The following SUPT3H variants were observed in gnomAD, a reference collection of about 807,000 sequenced individuals.
SUPT3H encodes the protein transcription initiation protein SPT3 homolog.
SUPT3H carries 44 observed loss-of-function variants against 44.3 expected under a neutral mutation model. The ratio of observed to expected loss-of-function variants is 0.99; its 90% CI spans 0.78 to 1.28. The LOEUF (loss-of-function observed/expected upper bound fraction) is 1.28, where lower values mean the gene tolerates loss of function less well. Among genes scored for constraint, SUPT3H ranks in the 50% most tolerant of loss-of-function variants. SUPT3H has a pLI of 0.00. For missense variants in SUPT3H, 380 were observed against 387.1 expected, an observed-to-expected ratio of 0.98 and a Z score of 0.15; for synonymous variants, 124 against 125.6, an observed-to-expected ratio of 0.99 and a Z score of 0.09.
At chr6:44,845,337 C>T (rs1038531306) in intron 10 of SUPT3H, among the ~76,000 whole-genome samples, 8 of 152,132 alleles carry the variant, frequency 5.3e-5, no homozygotes, top group Admixed American at 1.3e-4. Flanking sequence ...AAGTGATATA[C>T]CAATCACTAG....
intron 10 of SUPT3H, among the ~76,000 whole-genome samples, chr6:44,851,142 A>G (rs774877140): frequency 3.9e-5 from 6 of 152,250 alleles, no homozygotes; most frequent in Non-Finnish European, 8.8e-5. Context: ...ATCAGCCTTT[A>G]GCCCTCCTCA....
chr6:44,885,132 C>T, intron 10 of SUPT3H, among the ~76,000 whole-genome samples: 1 of 152,204 alleles, frequency 6.6e-6, no homozygotes, highest in East Asian at 1.9e-4. Context: ...CTGGGTGGAG[C>T]CCACCACAGC....
chr6:44,813,346 G>A lies in SUPT3H; in HGVS notation c.*53-3845C>T, dbSNP rs529012481. Among the ~76,000 whole-genome samples the A allele has an allele frequency of 3.9e-5, 6 of 152,096 alleles. No individual in the cohort carries two copies. In the East Asian group the frequency reaches 1.2e-3, roughly 29 times the overall value. ...GACTACTACAGGCACATGCCACCACGCCCAGTTAATTTTTATTTTTGTAGC... is the reference window on the plus strand; with the variant it reads ...GACTACTACAGGCACATGCCACCACACCCAGTTAATTTTTATTTTTGTAGC... On this transcript the variant is annotated intron_variant and NMD_transcript_variant, in intron 11 of 11. Coordinates refer to the SUPT3H transcript ENST00000475057.
intron 2 of SUPT3H, among the ~76,000 whole-genome samples, chr6:45,276,200 A>C (rs560467238): frequency 6.6e-6 from 1 of 152,260 alleles, no homozygotes; most frequent in South Asian, 2.1e-4. Context: ...TTTACTAAAA[A>C]CAGTGTTTGA....
At chr6:44,988,350 A>C (rs991073084) in intron 6 of SUPT3H, among the ~76,000 whole-genome samples, 1 of 151,782 alleles carries the variant, frequency 6.6e-6, no homozygotes, top group African/African-American at 2.4e-5. Context: ...TATATCTAAC[A>C]ATCTAACTAC....
chr6:44,986,360 G>C (rs1394842534), intron 6 of SUPT3H, among the ~76,000 whole-genome samples: 1 of 152,134 alleles, frequency 6.6e-6, no homozygotes, highest in African/African-American at 2.4e-5. Flanking sequence ...TGGGTAGACT[G>C]TGAAGAAAGG....
At chr6:45,367,708 A>G (rs1795383137) in intron 1 of SUPT3H, among the ~76,000 whole-genome samples, 1 of 152,172 alleles carries the variant, frequency 6.6e-6, no homozygotes, top group Non-Finnish European at 1.5e-5. Context: ...GATTTGACAG[A>G]CATGCCATTC....
At chr6:45,122,047 A>G (rs1461058078) in intron 2 of SUPT3H, among the ~76,000 whole-genome samples, 1 of 152,046 alleles carries the variant, frequency 6.6e-6, no homozygotes, top group Non-Finnish European at 1.5e-5. Context: ...ACAAAAAAAA[A>G]AGAAAAATTA....
intron 2 of SUPT3H, among the ~76,000 whole-genome samples, chr6:45,272,764 C>A (rs1410942156): frequency 7.0e-6 from 1 of 143,460 alleles, no homozygotes; most frequent in Non-Finnish European, 1.5e-5. Context: ...TCTGCTAAAG[C>A]TTTGGCTGAC....
rs549745486 is a variant in SUPT3H at position 45,179,623 on chromosome 6, A to G, written c.102-73617T>C. Among the ~76,000 whole-genome samples the G allele has an allele frequency of 1.4e-3, 212 of 152,314 alleles. 3 individuals carry two copies. Among genetic ancestry groups the G allele is most frequent in the African/African-American group, 4.9e-3 (205 of 41,568 alleles). On this transcript the variant is annotated intron_variant, in intron 2 of 10. Transcript: ENST00000371459. Reference sequence around the variant, plus strand: ...CAGCATATCAACGGAACCAAAGACAAAAACCACATGATTATCTCAATAGAT... The same window carrying G: ...CAGCATATCAACGGAACCAAAGACAGAAACCACATGATTATCTCAATAGAT...
intron 6 of SUPT3H, among the ~76,000 whole-genome samples, chr6:44,993,167 A>G (rs1043767260): frequency 3.9e-5 from 6 of 152,100 alleles, no homozygotes; most frequent in Non-Finnish European, 5.9e-5. Context: ...TGTCTTTAAA[A>G]CAAAACAAAA....
At chr6:45,097,221 G>A (rs1298702791) in intron 3 of SUPT3H, among the ~76,000 whole-genome samples, 2 of 152,292 alleles carry the variant, frequency 1.3e-5, no homozygotes, top group East Asian at 3.9e-4. Flanking sequence ...CAAATATGAG[G>A]TGTCCCTGAA....
At chr6:45,017,597 T>C (rs1784489409) in intron 4 of SUPT3H, among the ~76,000 whole-genome samples, 1 of 151,840 alleles carries the variant, frequency 6.6e-6, no homozygotes, top group African/African-American at 2.4e-5. Flanking sequence ...ATTTATTAAA[T>C]AGGGAATCCT....
intron 2 of SUPT3H, among the ~76,000 whole-genome samples, chr6:45,154,402 T>C (rs898356905): frequency 2.0e-5 from 3 of 152,046 alleles, no homozygotes; most frequent in Non-Finnish European, 4.4e-5. Flanking sequence ...TATGCCAGTG[T>C]TGTGGCTCAG....
chr6:45,327,353 A>G (rs896949050), intron 2 of SUPT3H, among the ~76,000 whole-genome samples: 6 of 152,012 alleles, frequency 3.9e-5, no homozygotes, highest in Admixed American at 2.6e-4. Flanking sequence ...ACATTATAAC[A>G]TAAGCATTTT....
At position 44,961,757 on chromosome 6, in the gene SUPT3H, A is replaced by G; in HGVS notation, c.576T>C (p.Ser192=). Residue 192 remains serine (S), a synonymous_variant, in exon 7 of 11, where the codon AGT becomes AGC. Transcript: ENST00000371459. ...CAAAGTTAAATAGTTACTTACAGAA[A>G]CTTAATTGTCGACTTTCACAGAATT... The part of the protein sequence containing the change: ...YAEFCESRQL[S]FSKKASKFRD... 1 of 1,605,634 alleles carries G rather than the reference A, an allele frequency of 6.2e-7. No individual in the cohort carries two copies. Among genetic ancestry groups the G allele is most frequent in the Non-Finnish European group, 8.5e-7 (1 of 1,177,258 alleles).
intron 1 of SUPT3H, among the ~76,000 whole-genome samples, chr6:45,372,884 CT>C (rs1259677997): frequency 6.6e-6 from 1 of 152,116 alleles, no homozygotes; most frequent in Non-Finnish European, 1.5e-5. Flanking sequence ...ATGGCACAAT[CT>C]TGGCTCACTG....
chr6:45,355,066 T>C (rs995026571), intron 2 of SUPT3H, among the ~76,000 whole-genome samples: 2 of 151,866 alleles, frequency 1.3e-5, no homozygotes, highest in Non-Finnish European at 2.9e-5. Context: ...ACTCAACCAC[T>C]TGGGCTTAAG....
chr6:45,195,865 G>A (rs1247030655), intron 2 of SUPT3H, among the ~76,000 whole-genome samples: 2 of 151,974 alleles, frequency 1.3e-5, no homozygotes, highest in Admixed American at 6.6e-5. Context: ...CACTGAGGTC[G>A]GTAGTTACAA....
Sources: allele counts gnomAD v4.1 joint callset (sites outside exome capture counted in the v4.1 genomes callset), GRCh38; gene constraint gnomAD v4.1.1; transcripts MANE v1.5; gene names NCBI Gene and HGNC (gene_info 2026-07-23, HGNC 2026-07-21).